Variants in GALNT16 observed in about 807,000 individuals in gnomAD.
GALNT16 encodes the protein UDP-GalNAc:polypeptide N-acetylgalactosaminyltransferase-like protein 1.
Under a neutral mutation model 76.1 loss-of-function variants are expected in GALNT16, and 40 were observed. The observed-to-expected ratio is 0.53, with a 90% CI of 0.41 to 0.68. The LOEUF (loss-of-function observed/expected upper bound fraction) is 0.68, where lower values mean the gene tolerates loss of function less well. Among genes scored for constraint, GALNT16 ranks in the 30% least tolerant of loss-of-function variants. The pLI is 0.00. For synonymous variants in GALNT16, 276 were observed against 285.2 expected, an observed-to-expected ratio of 0.97 and a Z score of 0.32; for missense variants, 621 against 731.9, an observed-to-expected ratio of 0.85 and a Z score of 1.75.
chr14:69,324,743 C>T lies in GALNT16; in HGVS notation c.387C>T (p.Ile129=). 1 of 1,613,324 alleles carries T rather than the reference C, an allele frequency of 6.2e-7. No homozygotes were observed. Among genetic ancestry groups the T allele is most frequent in the Non-Finnish European group, 8.5e-7 (1 of 1,179,468 alleles). The change falls in exon 3 of 15, where the codon ATC becomes ATT. Residue 129 remains isoleucine, a synonymous_variant. Transcript: ENST00000448469. ...ACCTGCCAGCCACCAGCGTCATCAT[C>T]ACCTTCCACAATGAGGCCCGTTCCA... is the stretch of plus-strand genomic sequence containing the variant. ...SSDLPATSVI[I]TFHNEARSTL...
Position 69,352,459 on chromosome 14 carries a change from C to T in GALNT16, c.*291C>T. 2.9e-6 allele frequency: 1 copy of T among 342,292 alleles called. No homozygotes were observed. The highest frequency in any genetic ancestry group is 2.1e-5 in the African/African-American group (1 of 47,662). The allele number at this position is 342,292 out of a possible 1,614,324, so 21.2% of individuals were successfully genotyped here. On this transcript the variant is annotated 3_prime_UTR_variant, in exon 15 of 15. Coordinates refer to ENST00000448469, the MANE Select transcript of GALNT16 (RefSeq NM_001168368.2). The stretch of plus-strand genomic sequence containing the variant: ...AGGTGCCCCTGGCCCTTTGTCCTCT[C>T]CCTTGGCGCTTCTTGGGGCTGGGAC...
chr14:69,291,110 G>A (rs2044682437), intron 1 of GALNT16, among the ~76,000 whole-genome samples: 1 of 152,132 alleles, frequency 6.6e-6, no homozygotes, highest in South Asian at 2.1e-4. Flanking sequence ...GGGCAACATA[G>A]TAAAACCCTG....
chr14:69,325,925 T>C, intron 4 of GALNT16, 37 bp from the exon 5 acceptor site: 2 of 1,552,212 alleles, frequency 1.3e-6, no homozygotes, highest in Non-Finnish European at 1.8e-6. Context: ...CTGATGCCCA[T>C]GTCTAAATGA....
chr14:69,300,914 G>T (rs2044842380), intron 1 of GALNT16, among the ~76,000 whole-genome samples: 1 of 152,180 alleles, frequency 6.6e-6, no homozygotes, highest in Admixed American at 6.5e-5. Context: ...CTCCCAAATT[G>T]AATGCTTTTC....
intron 1 of GALNT16, among the ~76,000 whole-genome samples, chr14:69,264,797 ATTTTCTCTTTTCTTTTTCTTTCTTTTT>A (rs1353134487): frequency 2.3e-5 from 2 of 87,756 alleles, no homozygotes; most frequent in African/African-American, 1.2e-4. Context: ...TTCTTTTTTT[ATTTTCTCTTTTCTTTTTCTTTCTTTTT>A]TTTTTTGGAC....
chr14:69,380,387 A>G, the GALNT16 span: 11 of 464,924 alleles, frequency 2.4e-5, no homozygotes, highest in East Asian at 3.3e-4. Context: ...CCGATTGAAC[A>G]AGATCCTCAC....
At chr14:69,311,582 T>C (rs1465726545) in intron 1 of GALNT16, among the ~76,000 whole-genome samples, 2 of 152,232 alleles carry the variant, frequency 1.3e-5, no homozygotes, top group East Asian at 3.8e-4. Context: ...CTCTGTCCTA[T>C]TGGTGGACAT....
At chr14:69,266,197 T>A (rs1223621212) in intron 1 of GALNT16, among the ~76,000 whole-genome samples, 1 of 152,150 alleles carries the variant, frequency 6.6e-6, no homozygotes, top group Non-Finnish European at 1.5e-5. Flanking sequence ...GCACCTTGCT[T>A]TGTATTCGCT....
intron 1 of GALNT16, among the ~76,000 whole-genome samples, chr14:69,265,785 T>C (rs1259631805): frequency 6.6e-6 from 1 of 152,240 alleles, no homozygotes; most frequent in East Asian, 1.9e-4. Context: ...GCTTGCCTGG[T>C]ACAGTCACCG....
At chr14:69,267,218 C>T (rs964291704) in intron 1 of GALNT16, among the ~76,000 whole-genome samples, 1 of 152,196 alleles carries the variant, frequency 6.6e-6, no homozygotes, top group Non-Finnish European at 1.5e-5. Flanking sequence ...ACTTCAGATG[C>T]GCCTTTGAAC....
At chr14:69,332,957 T>G in intron 7 of GALNT16, 128 bp from the exon 8 acceptor site, 1 of 722,262 alleles carries the variant, frequency 1.4e-6, no homozygotes, top group Non-Finnish European at 2.5e-6. Flanking sequence ...TCATTCCGAA[T>G]GAAGGAGGGA....
At chr14:69,301,138 A>G (rs1481305971) in intron 1 of GALNT16, among the ~76,000 whole-genome samples, 1 of 152,158 alleles carries the variant, frequency 6.6e-6, no homozygotes, top group African/African-American at 2.4e-5. Context: ...GGATTGCACC[A>G]GGGATTCTGA....
At chr14:69,380,203 C>G in the GALNT16 span, 7 of 196,328 alleles carry the variant, frequency 3.6e-5, no homozygotes, top group Non-Finnish European at 7.2e-5. Flanking sequence ...TTCCACCCCC[C>G]ACCCCATCTT....
intron 7 of GALNT16, among the ~76,000 whole-genome samples, chr14:69,332,843 T>TA (rs2045370402): frequency 6.6e-6 from 1 of 151,388 alleles, no homozygotes; most frequent in Non-Finnish European, 1.5e-5. Context: ...TTTTTTTTTT[T>TA]AGTACTTTCA....
At position 69,333,555 on chromosome 14, in the gene GALNT16, G is replaced by T; in HGVS notation, c.922G>T (p.Gly308Ter). Residue 308 changes from glycine (G) to a stop codon, truncating the protein, a stop_gained, in exon 9 of 15, where the codon GGA (glycine) becomes TGA (stop). Coordinates refer to ENST00000448469, the MANE Select transcript of GALNT16 (RefSeq NM_001168368.2). LOFTEE classifies it high-confidence loss of function. This position sits in a 1 kb window ranked among gnomAD's most constrained non-coding sequence, Gnocchi z 4.2. ...VIDKSWFNHL[G>*]KYDAQMDIWG... ...CGACAAGTCCTGGTTTAACCACTTG[G>T]GAAAGTATGATGCCCAGATGGACAT... The T allele has an allele frequency of 6.2e-7, 1 of 1,608,096 alleles. No individual in the cohort carries two copies.
the GALNT16 span, among the ~76,000 whole-genome samples, chr14:69,371,644 T>C: frequency 6.6e-6 from 1 of 152,024 alleles, no homozygotes; most frequent in Non-Finnish European, 1.5e-5. Context: ...AGAGTTTGTT[T>C]TGTAATAATA....
At chr14:69,320,604 C>T in intron 1 of GALNT16, 107 bp from the exon 2 acceptor site, 1 of 909,116 alleles carries the variant, frequency 1.1e-6, no homozygotes, top group East Asian at 2.4e-5. Context: ...TGGCGTAAGG[C>T]ACAAATGAGG....
At chr14:69,275,475 T>C (rs772028485) in intron 1 of GALNT16, among the ~76,000 whole-genome samples, 2 of 152,198 alleles carry the variant, frequency 1.3e-5, no homozygotes, top group Non-Finnish European at 2.9e-5. Context: ...TTTATGTAAA[T>C]TAAAATAATA....
chr14:69,261,429 G>C lies in GALNT16; in HGVS notation c.177+962G>C, dbSNP rs1017561743. Among the ~76,000 whole-genome samples the C allele has an allele frequency of 2.0e-5, 3 of 152,210 alleles. No individual in the cohort carries two copies. The highest frequency in any genetic ancestry group is 4.4e-5 in the Non-Finnish European group (3 of 68,030). ...CGAGCGGGCGCATTCTTCCAGACGG[G>C]GGCGGTTGGTGGACGAGAGCCTCGG... On this transcript the variant is annotated intron_variant, in intron 1 of 14. Transcript: ENST00000448469. This position sits in a 1 kb window ranked among gnomAD's most constrained non-coding sequence, Gnocchi z 6.4.
Sources: gnomAD v4.1 joint callset for allele counts (sites outside exome capture counted in the v4.1 genomes callset) on GRCh38, gnomAD v4.1.1 for gene constraint, Gnocchi (gnomAD v3.1) non-coding constraint, MANE v1.5 for transcripts, NCBI Gene and HGNC (gene_info 2026-07-23, HGNC 2026-07-21) for gene names.